C2orf42: variants seen among roughly 807,000 people sequenced by gnomAD.
The protein encoded by C2orf42 is uncharacterized protein C2orf42.
A neutral mutation model predicts 58.9 loss-of-function variants in C2orf42; 44 were observed. The ratio of observed to expected loss-of-function variants is 0.75; its 90% CI spans 0.59 to 0.96. The LOEUF is 0.96. Among genes scored for constraint, C2orf42 ranks in the 40% least tolerant of loss-of-function variants. The pLI is 0.00. For synonymous variants in C2orf42, 239 were observed against 265.4 expected (o/e 0.90, Z 0.97); for missense variants, 630 against 699.2 (o/e 0.90, Z 1.12).
rs748618504 is a variant in C2orf42, at chr2:70,179,644, TA to T, written c.824-3del. 8.4e-5 allele frequency: 104 copies of T among 1,235,724 alleles called. No individual in the cohort carries two copies. The highest frequency in any genetic ancestry group is 1.0e-4 in the Non-Finnish European group (87 of 843,526). 76.5% of individuals were successfully genotyped at this position (1,235,724 alleles called of 1,614,324 possible). ...GGGGTACAATAATCTCTTTAAGACC[TA>T]AAAAAAAGAAGATTTCTGAATTATT... On this transcript the variant is annotated splice_region_variant and splice_polypyrimidine_tract_variant and intron_variant, in intron 3 of 9. Coordinates refer to ENST00000264434, the MANE Select transcript of C2orf42 (RefSeq NM_017880.3).
At chr2:70,180,146 G>A (rs1674457318) in intron 3 of C2orf42, among the ~76,000 whole-genome samples, 1 of 151,492 alleles carries the variant, frequency 6.6e-6, no homozygotes, top group African/African-American at 2.4e-5. Context: ...ACAGAAATTA[G>A]CCAGGCATGG....
chr2:70,169,050 CAT>C (rs1416238228), intron 6 of C2orf42, among the ~76,000 whole-genome samples: 1 of 151,804 alleles, frequency 6.6e-6, no homozygotes. Flanking sequence ...ATCTTAGTCT[CAT>C]GTGTTTAGAT....
intron 5 of C2orf42, among the ~76,000 whole-genome samples, chr2:70,174,119 A>C (rs1269789361): frequency 6.6e-6 from 1 of 151,972 alleles, no homozygotes; most frequent in Non-Finnish European, 1.5e-5. Context: ...ACCAGCCTGG[A>C]CAACATGGTG....
rs1366384684 is a variant in C2orf42 at position 70,175,654 on chromosome 2, C to G, written c.1039+19G>C. On this transcript the variant is annotated intron_variant, in intron 5 of 9. Transcript: ENST00000264434. ...TGACTTTCCACCACTGTAGCCTATT[C>G]TAGGGAAGGGAAACTTACCCTGCCT... 2 of 1,462,828 alleles carry G rather than the reference C, an allele frequency of 1.4e-6. No homozygotes were observed. Among genetic ancestry groups the G allele is most frequent in the African/African-American group, 2.8e-5 (2 of 71,914 alleles). The allele number at this position is 1,462,828 out of a possible 1,614,324, so 90.6% of individuals were successfully genotyped here. A position where few individuals can be genotyped will look rare whatever the true frequency, so the allele number is the denominator to read the frequency against.
intron 8 of C2orf42, 35 bp downstream of exon 8, chr2:70,165,057 A>ACAACCCTC (rs763255504): frequency 3.5e-5 from 42 of 1,198,780 alleles, no homozygotes; most frequent in Non-Finnish European, 4.6e-5. Context: ...TCTTCCCTTC[A>ACAACCCTC]CAACCCTCCC....
intron 9 of C2orf42, among the ~76,000 whole-genome samples, chr2:70,160,087 A>C (rs1190425558): frequency 6.6e-6 from 1 of 152,144 alleles, no homozygotes; most frequent in Non-Finnish European, 1.5e-5. Flanking sequence ...CACAAAGCTA[A>C]ATTAGTTAAA....
chr2:70,167,692 G>A (rs940382488), intron 6 of C2orf42, among the ~76,000 whole-genome samples: 1 of 152,048 alleles, frequency 6.6e-6, no homozygotes, highest in Non-Finnish European at 1.5e-5. Context: ...AGTGAACTGA[G>A]ATTGTACCAC....
chr2:70,182,207 C>T (rs1002759717), intron 2 of C2orf42, among the ~76,000 whole-genome samples: 4 of 152,066 alleles, frequency 2.6e-5, no homozygotes, highest in South Asian at 4.1e-4. Context: ...TCAAGTGATT[C>T]TCCTGCCTCA....
At position 70,150,294 on chromosome 2, in the gene C2orf42, A is replaced by T. The variant is rs183867042; in HGVS notation, c.*62T>A. The stretch of plus-strand genomic sequence containing the variant: ...CCATCTAAGTGCCTAACTAGCATTT[A>T]AAGTTGTCAAGGGGTGGGGATGTGC... On this transcript the variant is annotated 3_prime_UTR_variant, in exon 10 of 10. Transcript: ENST00000264434. 2,176 of 1,431,348 alleles carry T rather than the reference A, an allele frequency of 1.5e-3. 6 individuals are homozygous for T. The highest frequency in any genetic ancestry group is 1.5e-3 in the Non-Finnish European group (1,489 of 1,022,960). 88.7% of individuals were successfully genotyped at this position (1,431,348 alleles called of 1,614,324 possible). A position where few individuals can be genotyped will look rare whatever the true frequency, so the allele number is the denominator to read the frequency against.
rs979692827 is a variant in C2orf42, at chr2:70,160,744, C to A, written c.1397G>T (p.Gly466Val). Residue 466 changes from glycine (G) to valine (V), a missense_variant, in exon 9 of 10, where the codon GGG becomes GTG. Physicochemically the swap from Gly to Val is moderately radical, Grantham distance 109. Coordinates refer to ENST00000264434, the MANE Select transcript of C2orf42 (RefSeq NM_017880.3). The part of the protein sequence containing the change: ...ITRSFIQNRD[G>V]TYELFKCPKV... ...AGGGCATTTAAATAGCTCATAAGTC[C>A]CATCTCGGTTCTGGATAAAGCTACG... The A allele has an allele frequency of 6.2e-7, 1 of 1,610,070 alleles. No individual in the cohort carries two copies. Among genetic ancestry groups the A allele is most frequent in the African/African-American group, 1.3e-5 (1 of 74,564 alleles).
intron 8 of C2orf42, among the ~76,000 whole-genome samples, chr2:70,161,534 A>G (rs1291110948): frequency 6.6e-6 from 1 of 151,994 alleles, no homozygotes; most frequent in African/African-American, 2.4e-5. Context: ...GTTCACATGT[A>G]TTTACTTTTT....
chr2:70,164,331 C>G (rs954239125), intron 8 of C2orf42, among the ~76,000 whole-genome samples: 3 of 150,914 alleles, frequency 2.0e-5, no homozygotes, highest in African/African-American at 7.3e-5. Context: ...AAAAAAAGAC[C>G]AAAAAAAAAT....
Position 70,151,653 on chromosome 2 carries a change from TAAAAA to T in C2orf42, c.1517-1094_1517-1090del, listed in dbSNP as rs1672318572. Among the ~76,000 whole-genome samples the T allele has an allele frequency of 2.0e-5, 3 of 151,354 alleles. No homozygotes were observed. In the South Asian group the frequency reaches 6.3e-4, roughly 32 times the overall value. ...CGCCTCAAAAAACACCCCCAAAAAA[TAAAAA>T]AACAAGAAGGATGGATTAATTAATG... On this transcript the variant is annotated intron_variant, in intron 9 of 9. Transcript: ENST00000264434.
At chr2:70,187,272 C>T (rs183186112) in intron 1 of C2orf42, among the ~76,000 whole-genome samples, 4 of 152,148 alleles carry the variant, frequency 2.6e-5, no homozygotes, top group East Asian at 1.9e-4. Flanking sequence ...TTGTTGACAA[C>T]GGAGTTTCGC....
chr2:70,181,295 A>C lies in C2orf42; in HGVS notation c.691T>G (p.Ser231Ala). 1 of 1,613,982 alleles carries C rather than the reference A, an allele frequency of 6.2e-7. No individual in the cohort carries two copies. The highest frequency in any genetic ancestry group is 8.5e-7 in the Non-Finnish European group (1 of 1,179,910). ...RFFCSCQTLK[S>A]HKSNASKDET... ...TCCTTGGAGGCATTTGACTTGTGCGATTTCAGAGTCTGACAGGAGCAGAAG... is the reference window on the plus strand; with the variant it reads ...TCCTTGGAGGCATTTGACTTGTGCGCTTTCAGAGTCTGACAGGAGCAGAAG... The change falls in exon 3 of 10, where the codon TCG (serine) becomes GCG (alanine). Residue 231 changes from serine to alanine, a missense_variant. By Grantham distance (99) the Ser-to-Ala change is moderately conservative. Transcript: ENST00000264434.
intron 9 of C2orf42, among the ~76,000 whole-genome samples, chr2:70,158,669 T>TGATCTCCTGACCTCGTGATCTGCCC (rs1391561559): frequency 5.3e-5 from 8 of 150,860 alleles, no homozygotes; most frequent in African/African-American, 2.0e-4. Context: ...AGGATGGCCT[T>TGATCTCCTGACCTCGTGATCTGCCC]GATCTCCTGA....
chr2:70,161,840 CAAAA>C (rs1172754744), intron 8 of C2orf42, among the ~76,000 whole-genome samples: 4 of 77,464 alleles, frequency 5.2e-5, no homozygotes, highest in African/African-American at 8.2e-5. Flanking sequence ...AAGTCCGTGT[CAAAA>C]AAAAAAAAAA....
At chr2:70,153,293 G>C (rs1003642595) in intron 9 of C2orf42, among the ~76,000 whole-genome samples, 6 of 151,912 alleles carry the variant, frequency 3.9e-5, no homozygotes, top group Non-Finnish European at 8.8e-5. Context: ...ACAGATCTGA[G>C]AGGGAGCCAG....
At position 70,181,160 on chromosome 2, in the gene C2orf42, T is replaced by G; in HGVS notation, c.823+3A>C. ...TAATAACCACATCAACCATACCACC[T>G]ACCGCTGGAATCAAAATTTAGGAAG... On this transcript the variant is annotated splice_donor_region_variant and intron_variant, in intron 3 of 9. Transcript: ENST00000264434. The G allele has an allele frequency of 8.5e-6, 13 of 1,530,684 alleles. No individual in the cohort carries two copies. Among genetic ancestry groups the G allele is most frequent in the Non-Finnish European group, 1.1e-5 (12 of 1,127,970 alleles). The allele number at this position is 1,530,684 out of a possible 1,614,324, so 94.8% of individuals were successfully genotyped here. A position where few individuals can be genotyped will look rare whatever the true frequency, so the allele number is the denominator to read the frequency against.
Sources: allele counts gnomAD v4.1 joint callset (sites outside exome capture counted in the v4.1 genomes callset), GRCh38; gene constraint gnomAD v4.1.1; transcripts MANE v1.5; gene names NCBI Gene and HGNC (gene_info 2026-07-23, HGNC 2026-07-21).